The following ARHGAP18 variants were observed in gnomAD, a reference collection of about 807,000 sequenced individuals.
ARHGAP18 encodes the protein rho GTPase-activating protein 18.
In ARHGAP18, 67 loss-of-function variants were observed where a neutral mutation model predicts 86.2. The observed-to-expected ratio is 0.78, with a 90% CI of 0.64 to 0.95. The LOEUF (loss-of-function observed/expected upper bound fraction) is 0.95, where lower values mean the gene tolerates loss of function less well. Among genes scored for constraint, ARHGAP18 ranks in the 40% least tolerant of loss-of-function variants. The pLI, the probability that ARHGAP18 is intolerant of heterozygous loss-of-function variation, is 0.00. For synonymous variants in ARHGAP18, 283 were observed against 280.4 expected (o/e 1.01, Z -0.09); for missense variants, 691 against 780.4 (o/e 0.89, Z 1.37).
At chr6:129,681,550 TAAGC>T (rs1311686334) in intron 1 of ARHGAP18, among the ~76,000 whole-genome samples, 2 of 152,226 alleles carry the variant, frequency 1.3e-5, no homozygotes, top group South Asian at 2.1e-4. Flanking sequence ...TTCAGCCTCT[TAAGC>T]AAGAATAAAA....
intron 1 of ARHGAP18, among the ~76,000 whole-genome samples, chr6:129,652,817 A>T (rs9402156): frequency 0.29 from 44,602 of 152,068 alleles, 6,525 homozygotes; most frequent in African/African-American, 0.32. Flanking sequence ...CCTGTCATGA[A>T]ATAAGCACTA....
At chr6:129,664,334 A>G (rs1774003083) in intron 1 of ARHGAP18, among the ~76,000 whole-genome samples, 1 of 152,084 alleles carries the variant, frequency 6.6e-6, no homozygotes, top group African/African-American at 2.4e-5. Context: ...TATTACTTTG[A>G]TCAAGTCACC....
chr6:129,597,250 C>T (rs1316344415), intron 12 of ARHGAP18, among the ~76,000 whole-genome samples: 1 of 151,798 alleles, frequency 6.6e-6, no homozygotes, highest in East Asian at 1.9e-4. Context: ...GATTCTCCTG[C>T]CTTAGCTTCT....
chr6:129,623,688 G>A (rs1192475212), intron 5 of ARHGAP18, among the ~76,000 whole-genome samples: 2 of 152,070 alleles, frequency 1.3e-5, no homozygotes, highest in African/African-American at 2.4e-5. Flanking sequence ...TTTCAACCAT[G>A]GGAAAGACTT....
chr6:129,648,687 G>A (rs762654071), intron 1 of ARHGAP18, among the ~76,000 whole-genome samples: 13 of 151,316 alleles, frequency 8.6e-5, no homozygotes, highest in South Asian at 2.1e-4. Flanking sequence ...TGTAAATTTT[G>A]AAATTTTAAA....
At chr6:129,632,489 A>G (rs987723691) in intron 4 of ARHGAP18, among the ~76,000 whole-genome samples, 7 of 152,130 alleles carry the variant, frequency 4.6e-5, no homozygotes, top group African/African-American at 1.7e-4. Flanking sequence ...CTCAGCATCC[A>G]TTCACCAACT....
chr6:129,638,660 T>G, intron 2 of ARHGAP18, 31 bp from the exon 3 acceptor site: 1 of 1,577,920 alleles, frequency 6.3e-7, no homozygotes, highest in South Asian at 1.2e-5. Flanking sequence ...GGTACTTAAA[T>G]CACAAAATAT....
At chr6:129,709,382 T>C (rs1774860613) in intron 1 of ARHGAP18, among the ~76,000 whole-genome samples, 1 of 152,182 alleles carries the variant, frequency 6.6e-6, no homozygotes, top group Non-Finnish European at 1.5e-5. Flanking sequence ...TTGCCCTCTC[T>C]GCCTATAAAG....
chr6:129,608,143 C>G (rs1002684819), intron 8 of ARHGAP18, 91 bp from the exon 9 acceptor site: 6 of 1,349,414 alleles, frequency 4.4e-6, no homozygotes, highest in Non-Finnish European at 5.8e-6. Flanking sequence ...TTTTCACTTT[C>G]AAGAGACTCT....
intron 8 of ARHGAP18, 87 bp from the exon 9 acceptor site, chr6:129,608,139 C>A: frequency 2.2e-6 from 3 of 1,380,948 alleles, no homozygotes; most frequent in Admixed American, 3.0e-5. Context: ...CACATTTTCA[C>A]TTTCAAGAGA....
At chr6:129,695,367 T>TC (rs1774598124) in intron 1 of ARHGAP18, among the ~76,000 whole-genome samples, 1 of 145,748 alleles carries the variant, frequency 6.9e-6, no homozygotes. Context: ...GTTAACAGTG[T>TC]CCAACACACA....
chr6:129,642,378 G>A (rs1327026338), intron 1 of ARHGAP18, among the ~76,000 whole-genome samples: 1 of 151,934 alleles, frequency 6.6e-6, no homozygotes, highest in Non-Finnish European at 1.5e-5. Flanking sequence ...CCAAATTACT[G>A]GGCTCAAGTG....
chr6:129,661,971 GC>G, intron 1 of ARHGAP18: 1 of 935,872 alleles, frequency 1.1e-6, no homozygotes, highest in Non-Finnish European at 1.3e-6. Context: ...ACCTGGTGTT[GC>G]CACACACACA....
At chr6:129,658,873 T>C (rs776189550) in intron 1 of ARHGAP18, among the ~76,000 whole-genome samples, 1 of 152,186 alleles carries the variant, frequency 6.6e-6, no homozygotes, top group Admixed American at 6.5e-5. Context: ...GTGGGGGTAA[T>C]GGGAAACCTT....
rs193230540 is a variant in ARHGAP18, at chr6:129,576,699, C to G, written c.*1814G>C. The G allele has an allele frequency of 3.9e-5, 6 of 152,132 alleles. No homozygotes were observed. The highest frequency in any genetic ancestry group is 1.4e-4 in the African/African-American group (6 of 41,544). 9.4% of individuals were successfully genotyped at this position (152,132 alleles called of 1,614,324 possible). ...TTTAGTTGGCATATGCTTCAGACAA[C>G]CTTTTACTTAAATCATTATCCTCAC... On this transcript the variant is annotated 3_prime_UTR_variant, in exon 15 of 15. Transcript: ENST00000368149.
intron 1 of ARHGAP18, among the ~76,000 whole-genome samples, chr6:129,689,808 A>G (rs371375272): frequency 7.9e-5 from 12 of 152,172 alleles, no homozygotes; most frequent in Admixed American, 2.0e-4. Context: ...AAAGGCACGC[A>G]TTTGCTTTTC....
At chr6:129,607,359 CAAA>C (rs1329044315) in intron 9 of ARHGAP18, among the ~76,000 whole-genome samples, 8 of 152,148 alleles carry the variant, frequency 5.3e-5, no homozygotes, top group Admixed American at 3.9e-4. Context: ...CCCAAGACGA[CAAA>C]ATGGCAGTAC....
rs762969072 is a variant in ARHGAP18, at chr6:129,693,111, G to A, written c.113+16913C>T. On this transcript the variant is annotated intron_variant, in intron 1 of 14. Coordinates refer to ENST00000368149, the MANE Select transcript of ARHGAP18 (RefSeq NM_033515.3). ...ACTACATGAAAAAGAGCTGTTCATC[G>A]GTAACTGTGAGAACTCCAAGCTGTT... 3.7e-4 allele frequency among the ~76,000 whole-genome samples: 57 copies of A among 152,224 alleles called. 1 individual carries two copies. The highest frequency in any genetic ancestry group is 6.2e-4 in the South Asian group (3 of 4,818).
chr6:129,627,722 T>C (rs549836385), intron 5 of ARHGAP18, among the ~76,000 whole-genome samples: 3 of 152,222 alleles, frequency 2.0e-5, no homozygotes, highest in South Asian at 2.1e-4. Context: ...TTAAGAATTC[T>C]TAAAAGATGT....
Sources: gnomAD v4.1 joint callset for allele counts (sites outside exome capture counted in the v4.1 genomes callset) on GRCh38, gnomAD v4.1.1 for gene constraint, MANE v1.5 for transcripts, NCBI Gene and HGNC (gene_info 2026-07-23, HGNC 2026-07-21) for gene names.